Variants in AMBRA1 observed in about 807,000 individuals in gnomAD.
AMBRA1 encodes autophagy and beclin 1 regulator 1.
In AMBRA1, 47 loss-of-function variants were observed where a neutral mutation model predicts 125.4. That is an observed-to-expected ratio of 0.37 (90% confidence interval 0.30 to 0.48). The LOEUF (loss-of-function observed/expected upper bound fraction) is 0.48, where lower values mean the gene tolerates loss of function less well. Among genes scored for constraint, AMBRA1 ranks in the 20% least tolerant of loss-of-function variants. AMBRA1 has a pLI of 0.99. For synonymous variants in AMBRA1, 626 were observed against 655.5 expected, an observed-to-expected ratio of 0.95 and a Z score of 0.69; for missense variants, 1,331 against 1,693.4, an observed-to-expected ratio of 0.79 and a Z score of 3.76.
chr11:46,569,439 AAAT>A (rs1178038908), intron 1 of AMBRA1, among the ~76,000 whole-genome samples: 3,282 of 134,436 alleles, frequency 0.024, 46 homozygotes, highest in African/African-American at 0.054. Context: ...AAAAAAAAAA[AAAT>A]ATATATATAT....
intron 1 of AMBRA1, among the ~76,000 whole-genome samples, chr11:46,566,420 G>GAA (rs1016807453): frequency 7.5e-6 from 1 of 133,084 alleles, no homozygotes. Flanking sequence ...TACATCTCAA[G>GAA]AAAAAAAAAA....
chr11:46,405,646 A>G (rs917423234), intron 17 of AMBRA1, among the ~76,000 whole-genome samples: 7 of 151,960 alleles, frequency 4.6e-5, no homozygotes, highest in African/African-American at 1.7e-4. Context: ...AGATCGCTTG[A>G]GCCTAGGAGT....
At chr11:46,423,308 T>C (rs1183019699) in intron 14 of AMBRA1, among the ~76,000 whole-genome samples, 1 of 152,208 alleles carries the variant, frequency 6.6e-6, no homozygotes, top group Non-Finnish European at 1.5e-5. Flanking sequence ...CTTTAATTTC[T>C]TTTACTGTCT....
intron 7 of AMBRA1, 129 bp downstream of exon 7, chr11:46,541,816 A>G (rs1952757162): frequency 1.6e-6 from 2 of 1,266,474 alleles, no homozygotes; most frequent in Non-Finnish European, 2.2e-6. Flanking sequence ...AAGAAAATGC[A>G]ATGGCGAGAT....
intron 11 of AMBRA1, among the ~76,000 whole-genome samples, chr11:46,482,316 T>C (rs978442533): frequency 6.6e-6 from 1 of 152,198 alleles, no homozygotes; most frequent in African/African-American, 2.4e-5. Context: ...TTTGTCTGGG[T>C]GAAACTTCAC....
Position 46,400,482 on chromosome 11 carries a change from T to G in AMBRA1, c.3404-2539A>C, listed in dbSNP as rs893102009. Among the ~76,000 whole-genome samples the G allele has an allele frequency of 1.2e-4, 8 of 66,408 alleles. No individual in the cohort carries two copies. In the East Asian group the frequency reaches 1.5e-3, roughly 12 times the overall value. 43.6% of individuals were successfully genotyped at this position (66,408 alleles called of 152,430 possible). A position where few individuals can be genotyped will look rare whatever the true frequency, so the allele number is the denominator to read the frequency against. ...TCTAGTTCTTTCTATAGTTTTTTTT[T>G]TTTTTTTTTTTTTTTTTTTTTTTTT... On this transcript the variant is annotated intron_variant, in intron 17 of 17. Coordinates refer to ENST00000683756, the MANE Select transcript of AMBRA1 (RefSeq NM_001387011.1).
intron 3 of AMBRA1, 144 bp from the exon 4 acceptor site, chr11:46,547,440 T>A: frequency 1.4e-6 from 1 of 711,866 alleles, no homozygotes; most frequent in Non-Finnish European, 2.2e-6. Flanking sequence ...GCAGTATATC[T>A]ACAAACAGAA....
At chr11:46,513,046 A>G (rs767998639) in intron 7 of AMBRA1, among the ~76,000 whole-genome samples, 7 of 152,200 alleles carry the variant, frequency 4.6e-5, no homozygotes, top group Non-Finnish European at 5.9e-5. Context: ...ACTGCTCTTC[A>G]ATGAGAAATG....
At chr11:46,474,768 G>C (rs1042753172) in intron 11 of AMBRA1, among the ~76,000 whole-genome samples, 1 of 152,090 alleles carries the variant, frequency 6.6e-6, no homozygotes, top group Non-Finnish European at 1.5e-5. Flanking sequence ...TACTCATTCT[G>C]GATTTTCCCT....
intron 7 of AMBRA1, 98 bp downstream of exon 7, chr11:46,541,847 C>T (rs1437048372): frequency 1.3e-6 from 2 of 1,502,600 alleles, no homozygotes; most frequent in East Asian, 2.3e-5. Flanking sequence ...TGCGTGGGTC[C>T]CAGACACTCC....
In AMBRA1 at chr11:46,543,219, A is replaced by G; in HGVS notation, c.798T>C (p.Ala266=). 6.2e-7 allele frequency: 1 copy of G among 1,609,982 alleles called. No homozygotes were observed. The highest frequency in any genetic ancestry group is 1.7e-4 in the Middle Eastern group (1 of 5,902). ...GGGGAGGCGGTGGGGGTGAGGGGGT[A>G]GCAGAATCTTGCACTGTGCTTTGCT... ...VGEQSTVQDS[A]TPSPPPPPPQ... is the part of the protein sequence containing the mutation. Residue 266 remains alanine (A), a synonymous_variant, in exon 7 of 18, where the codon GCT becomes GCC. Coordinates refer to ENST00000683756, the MANE Select transcript of AMBRA1 (RefSeq NM_001387011.1).
chr11:46,433,824 C>A (rs1022555148), intron 13 of AMBRA1, among the ~76,000 whole-genome samples, 196 bp from the exon 14 acceptor site: 3 of 152,046 alleles, frequency 2.0e-5, no homozygotes, highest in Non-Finnish European at 2.9e-5. Flanking sequence ...ATATAGAAAG[C>A]ACATAATAAG....
At chr11:46,515,206 C>T (rs749319109) in intron 7 of AMBRA1, among the ~76,000 whole-genome samples, 2 of 152,184 alleles carry the variant, frequency 1.3e-5, no homozygotes, top group South Asian at 2.1e-4. Flanking sequence ...GGGCGTGGTG[C>T]CTCACGCCTG....
At chr11:46,407,369 TC>T (rs1163035149) in intron 17 of AMBRA1, among the ~76,000 whole-genome samples, 1 of 152,198 alleles carries the variant, frequency 6.6e-6, no homozygotes, top group African/African-American at 2.4e-5. Context: ...CCGTGGTGGT[TC>T]CCTTTTGCCT....
At chr11:46,456,150 C>G (rs1948834209) in intron 11 of AMBRA1, among the ~76,000 whole-genome samples, 1 of 152,014 alleles carries the variant, frequency 6.6e-6, no homozygotes, top group African/African-American at 2.4e-5. Context: ...AATAAGCTCA[C>G]AAGAACACAT....
At chr11:46,473,691 G>A (rs1949697903) in intron 11 of AMBRA1, among the ~76,000 whole-genome samples, 1 of 152,188 alleles carries the variant, frequency 6.6e-6, no homozygotes, top group African/African-American at 2.4e-5. Context: ...TCGCACTGTC[G>A]CCCAGGCTGA....
chr11:46,464,348 G>A (rs1214027689), intron 11 of AMBRA1, among the ~76,000 whole-genome samples: 1 of 152,140 alleles, frequency 6.6e-6, no homozygotes, highest in African/African-American at 2.4e-5. Context: ...AAAGTAGAAA[G>A]AAAAGCTTTA....
chr11:46,443,213 A>G (rs1388817668), intron 12 of AMBRA1, among the ~76,000 whole-genome samples: 1 of 152,212 alleles, frequency 6.6e-6, no homozygotes, highest in African/African-American at 2.4e-5. Context: ...GGAGTGTAGG[A>G]TCCAAGAGCT....
intron 1 of AMBRA1, among the ~76,000 whole-genome samples, chr11:46,588,496 C>T (rs2044478584): frequency 6.6e-6 from 1 of 151,836 alleles, no homozygotes; most frequent in African/African-American, 2.4e-5. Flanking sequence ...TTATGATGGG[C>T]CGGGCACGGT....
Sources: gnomAD v4.1 joint callset for allele counts (sites outside exome capture counted in the v4.1 genomes callset) on GRCh38, gnomAD v4.1.1 for gene constraint, MANE v1.5 for transcripts, NCBI Gene and HGNC (gene_info 2026-07-23, HGNC 2026-07-21) for gene names.